Variants in PGR observed in about 807,000 individuals in gnomAD.
The protein encoded by PGR is progesterone receptor, also known as nuclear receptor subfamily 3 group C member 3.
Under a neutral mutation model 76.1 loss-of-function variants are expected in PGR, and 25 were observed. That is an observed-to-expected ratio of 0.33 (90% CI 0.24 to 0.46). The LOEUF (loss-of-function observed/expected upper bound fraction) is 0.46, where lower values mean the gene tolerates loss of function less well. PGR is among the 20% of genes least tolerant of loss of function. The probability of loss-of-function intolerance (pLI) is 1.00; values close to 1 mark genes in which losing one functional copy is unlikely to be tolerated. For missense variants in PGR, 1,172 were observed against 1,225.3 expected (o/e 0.96, Z 0.65); for synonymous variants, 579 against 535.0 (o/e 1.08, Z -1.14).
In PGR at chr11:101,128,661, G is replaced by C; in HGVS notation, c.410C>G (p.Thr137Ser). The change falls in exon 1 of 8, where the codon ACC becomes AGC. Residue 137 changes from threonine (T) to serine (S), a missense_variant. Thr to Ser is a moderately conservative substitution (Grantham distance 58). Transcript: ENST00000325455. Reference protein sequence around the residue: ...SQPSPPACEVTSSWCLFGPEL... With the variant: ...SQPSPPACEVSSSWCLFGPEL... ...GGGGCCAAACAGGCACCAAGAGCTGGTGACCTCGCAGGCGGGAGGGCTGGG... is the reference window on the plus strand; with the variant it reads ...GGGGCCAAACAGGCACCAAGAGCTGCTGACCTCGCAGGCGGGAGGGCTGGG... 1.3e-6 allele frequency: 2 copies of C among 1,595,164 alleles called. No individual in the cohort carries two copies. The highest frequency in any genetic ancestry group is 1.7e-6 in the Non-Finnish European group (2 of 1,171,904).
At chr11:101,103,479 C>T (rs998347238) in intron 2 of PGR, among the ~76,000 whole-genome samples, 8 of 152,136 alleles carry the variant, frequency 5.3e-5, no homozygotes, top group Non-Finnish European at 7.4e-5. Flanking sequence ...CTAAACTTCA[C>T]CCTGAACTAC....
Position 101,128,174 on chromosome 11 carries a change from C to G in PGR, c.897G>C (p.Thr299=), listed in dbSNP as rs750801185. 8 of 1,597,868 alleles carry G rather than the reference C, an allele frequency of 5.0e-6. No individual in the cohort carries two copies. In the East Asian group the frequency reaches 1.1e-4, roughly 22 times the overall value. ...MAPGRSPLAT[T]VMDFIHVPIL... ...TAGGCACGTGGATGAAATCCATCAC[C>G]GTGGTGGCCAGCGGGGAGCGCCCGG... The change falls in exon 1 of 8, where the codon ACG becomes ACC. Residue 299 remains threonine, a synonymous_variant. Transcript: ENST00000325455.
chr11:101,088,471 A>G (rs1485097745), intron 3 of PGR, among the ~76,000 whole-genome samples: 51 of 152,076 alleles, frequency 3.4e-4, no homozygotes, highest in Admixed American at 3.3e-3. Flanking sequence ...AGGTGGGACT[A>G]CAGGCGCCTG....
chr11:101,078,658 C>T (rs1565347624), intron 3 of PGR, among the ~76,000 whole-genome samples: 1 of 152,128 alleles, frequency 6.6e-6, no homozygotes, highest in Non-Finnish European at 1.5e-5. Context: ...AGACAAGAAT[C>T]ATATGCAACG....
intron 2 of PGR, among the ~76,000 whole-genome samples, chr11:101,105,241 G>A (rs781576226): frequency 2.4e-4 from 36 of 152,088 alleles, no homozygotes; most frequent in Non-Finnish European, 4.9e-4. Context: ...TGGAGCAGAC[G>A]GCTAACATGA....
At chr11:101,122,405 A>G (rs1307575433) in intron 2 of PGR, among the ~76,000 whole-genome samples, 1 of 152,186 alleles carries the variant, frequency 6.6e-6, no homozygotes, top group Non-Finnish European at 1.5e-5. Context: ...TATTCCTAGC[A>G]CTGGGCTGGT....
At chr11:101,051,135 A>G (rs1325101247) in intron 5 of PGR, among the ~76,000 whole-genome samples, 4 of 152,026 alleles carry the variant, frequency 2.6e-5, no homozygotes, top group South Asian at 4.1e-4. Flanking sequence ...TTTCTCATTT[A>G]TTATTGTCAT....
In PGR at chr11:101,128,790, C is replaced by A. The variant is rs780296630; in HGVS notation, c.281G>T (p.Arg94Met). The change falls in exon 1 of 8, where the codon AGG (arginine) becomes ATG (methionine). Residue 94 changes from arginine (R) to methionine (M), a missense_variant. Coordinates refer to ENST00000325455, the MANE Select transcript of PGR (RefSeq NM_000926.4). ...ACTAGAACTGCTGCCTCCAGCACCC[C>A]TTGTAGCTTCAGCTCTGGAATATGC... ...EGAYSRAEATRGAGGSSSSPP... is the reference protein window; with the variant it reads ...EGAYSRAEATMGAGGSSSSPP... 1 of 1,614,024 alleles carries A rather than the reference C, an allele frequency of 6.2e-7. No individual in the cohort carries two copies. The highest frequency in any genetic ancestry group is 1.3e-5 in the African/African-American group (1 of 74,958).
intron 3 of PGR, among the ~76,000 whole-genome samples, chr11:101,075,284 T>C (rs1193066698): frequency 6.6e-6 from 1 of 152,138 alleles, no homozygotes; most frequent in Non-Finnish European, 1.5e-5. Flanking sequence ...AAATTGAAAG[T>C]GGACCCCTTC....
chr11:101,051,525 C>T lies in PGR; in HGVS notation c.2256G>A (p.Gln752=). Residue 752 remains glutamine (Q), a synonymous_variant, in exon 5 of 8, where the codon CAG becomes CAA. Transcript: ENST00000325455. ...LHIDDQITLI[Q]YSWMSLMVFG... The stretch of plus-strand genomic sequence containing the variant: ...ACACCATTAAGCTCATCCAAGAATA[C>T]TGAATGAGAGTTATCTGGTCATCAA... 6.2e-7 allele frequency: 1 copy of T among 1,607,370 alleles called. No individual in the cohort carries two copies. The highest frequency in any genetic ancestry group is 8.5e-7 in the Non-Finnish European group (1 of 1,174,198).
chr11:101,068,091 A>T (rs761642979), intron 3 of PGR, among the ~76,000 whole-genome samples: 1 of 152,170 alleles, frequency 6.6e-6, no homozygotes, highest in Non-Finnish European at 1.5e-5. Flanking sequence ...CCAGAGGTGG[A>T]TGTTAATCAT....
intron 3 of PGR, among the ~76,000 whole-genome samples, chr11:101,067,039 C>A (rs1232326443): frequency 6.6e-6 from 1 of 152,154 alleles, no homozygotes; most frequent in Non-Finnish European, 1.5e-5. Flanking sequence ...ATATCAAGCT[C>A]TACAAGGCCC....
In PGR at chr11:101,129,169, G is replaced by T. The variant is rs1213685756; in HGVS notation, c.-99C>A. On this transcript the variant is annotated 5_prime_UTR_variant, in exon 1 of 8. Transcript: ENST00000325455. ...AATATAGGGGCAGAGGGAGGAGAAA[G>T]TGGGTGTTGAATGTGGCTGGACCGG... 2.2e-6 allele frequency: 2 copies of T among 916,604 alleles called. No individual in the cohort carries two copies. Among genetic ancestry groups the T allele is most frequent in the East Asian group, 7.1e-5 (2 of 27,992 alleles). The allele number at this position is 916,604 out of a possible 1,614,324, so 56.8% of individuals were successfully genotyped here.
intron 3 of PGR, among the ~76,000 whole-genome samples, chr11:101,070,743 G>A (rs1860904154): frequency 6.6e-6 from 1 of 152,158 alleles, no homozygotes; most frequent in South Asian, 2.1e-4. Context: ...CTGCAGCATG[G>A]CAAAGCTGCT....
At chr11:101,045,917 C>T (rs1347518962) in intron 6 of PGR, among the ~76,000 whole-genome samples, 1 of 151,976 alleles carries the variant, frequency 6.6e-6, no homozygotes, top group African/African-American at 2.4e-5. Context: ...GAGAAATCTC[C>T]ATATGGTGTT....
chr11:101,045,754 C>G (rs1415111947), intron 6 of PGR, among the ~76,000 whole-genome samples: 1 of 151,974 alleles, frequency 6.6e-6, no homozygotes, highest in Non-Finnish European at 1.5e-5. Flanking sequence ...TGTTGATACA[C>G]ACTTGGATTG....
At chr11:101,106,349 A>G (rs943287376) in intron 2 of PGR, among the ~76,000 whole-genome samples, 1 of 152,256 alleles carries the variant, frequency 6.6e-6, no homozygotes, top group African/African-American at 2.4e-5. Flanking sequence ...ACTAATATCC[A>G]GAATCTAGAA....
chr11:101,091,739 T>C (rs751373581), intron 3 of PGR, 21 bp downstream of exon 3: 1 of 1,089,262 alleles, frequency 9.2e-7, no homozygotes, highest in South Asian at 1.2e-5. Context: ...AGTATATTAT[T>C]GATGAAAACA....
Position 101,038,359 on chromosome 11 carries a change from T to C in PGR, c.*757A>G, listed in dbSNP as rs1343200910. 1.4e-5 allele frequency: 3 copies of C among 209,982 alleles called. No individual in the cohort carries two copies. The highest frequency in any genetic ancestry group is 2.9e-5 in the Non-Finnish European group (3 of 103,342). The allele number at this position is 209,982 out of a possible 1,614,324, so 13.0% of individuals were successfully genotyped here. The stretch of plus-strand genomic sequence containing the variant: ...GGAGTACAGTTAGGCCATAATCTTC[T>C]GATTTCTTATGTCCACTCGCAATAC... On this transcript the variant is annotated 3_prime_UTR_variant, in exon 8 of 8. Transcript: ENST00000325455.
Sources: gnomAD v4.1 joint callset for allele counts (sites outside exome capture counted in the v4.1 genomes callset) on GRCh38, gnomAD v4.1.1 for gene constraint, MANE v1.5 for transcripts, NCBI Gene and HGNC (gene_info 2026-07-23, HGNC 2026-07-21) for gene names.